Variants in ANO6 observed in about 807,000 individuals in gnomAD.
ANO6 encodes anoctamin 6.
Under a neutral mutation model 117.5 loss-of-function variants are expected in ANO6, and 106 were observed. That is an observed-to-expected ratio of 0.90 (90% confidence interval 0.77 to 1.06). The LOEUF is 1.06. ANO6 is among the 50% of genes least tolerant of loss of function. The pLI is 0.00. For missense variants in ANO6, 955 were observed against 1,121.1 expected (o/e 0.85, Z 2.12); for synonymous variants, 367 against 385.1 (o/e 0.95, Z 0.55).
At chr12:45,350,603 C>A in intron 6 of ANO6, 56 bp from the exon 7 acceptor site, 1 of 1,350,686 alleles carries the variant, frequency 7.4e-7, no homozygotes, top group Non-Finnish European at 1.1e-6. Flanking sequence ...ATTTAAGAAG[C>A]AGATTTGTGA....
At chr12:45,419,692 C>A (rs531873785) in intron 17 of ANO6, among the ~76,000 whole-genome samples, 1 of 152,126 alleles carries the variant, frequency 6.6e-6, no homozygotes, top group African/African-American at 2.4e-5. Context: ...TCATCAATGA[C>A]AATCATTTAG....
At chr12:45,292,831 C>T (rs756665066) in intron 1 of ANO6, 1 of 1,529,236 alleles carries the variant, frequency 6.5e-7, no homozygotes, top group Non-Finnish European at 8.8e-7. Context: ...TAGAAATCTT[C>T]AGAGTTGTCA....
intron 1 of ANO6, among the ~76,000 whole-genome samples, chr12:45,284,444 G>C (rs1225157723): frequency 6.6e-6 from 1 of 152,212 alleles, no homozygotes; most frequent in Non-Finnish European, 1.5e-5. Flanking sequence ...AGCCTCAGGG[G>C]AGAAGGGGAT....
rs780386198 is a variant in ANO6 at position 45,416,948 on chromosome 12, A to T, written c.2217+44A>T. 3.8e-6 allele frequency: 6 copies of T among 1,589,182 alleles called. No individual in the cohort carries two copies. The South Asian group carries it at 6.6e-5, about 18-fold the overall frequency. ...TACAGAGTAAAGACCTTGAAGATGCATTAGATTTGCTACCTAAGGAATCAA... is the reference window on the plus strand; with the variant it reads ...TACAGAGTAAAGACCTTGAAGATGCTTTAGATTTGCTACCTAAGGAATCAA... On this transcript the variant is annotated intron_variant, in intron 17 of 19. Transcript: ENST00000320560.
At chr12:45,425,564 C>T (rs1269394254) in intron 19 of ANO6, among the ~76,000 whole-genome samples, 2 of 152,156 alleles carry the variant, frequency 1.3e-5, no homozygotes, top group African/African-American at 4.8e-5. Context: ...CAACGGAAGC[C>T]AGAAGAGAGT....
intron 1 of ANO6, among the ~76,000 whole-genome samples, chr12:45,280,438 C>T (rs1455260448): frequency 2.6e-5 from 4 of 152,178 alleles, no homozygotes; most frequent in Non-Finnish European, 4.4e-5. Flanking sequence ...ACATGGGACC[C>T]AACCCCTCAC....
chr12:45,292,837 T>C, intron 1 of ANO6: 1 of 1,533,110 alleles, frequency 6.5e-7, no homozygotes, highest in Non-Finnish European at 8.8e-7. Flanking sequence ...TCTTCAGAGT[T>C]GTCACTTAAG....
At chr12:45,428,032 G>A (rs1943547097) in intron 19 of ANO6, among the ~76,000 whole-genome samples, 1 of 150,394 alleles carries the variant, frequency 6.6e-6, no homozygotes, top group Non-Finnish European at 1.5e-5. Flanking sequence ...TACCTGCTTT[G>A]AAAAATGTTT....
At chr12:45,343,419 C>T (rs1592990862) in intron 3 of ANO6, among the ~76,000 whole-genome samples, 1 of 152,108 alleles carries the variant, frequency 6.6e-6, no homozygotes, top group Non-Finnish European at 1.5e-5. Flanking sequence ...CCTGCTATGA[C>T]CTGCTAGTGA....
intron 1 of ANO6, chr12:45,228,143 T>G (rs933813089): frequency 1.2e-5 from 3 of 255,684 alleles, no homozygotes; most frequent in African/African-American, 4.1e-5. Context: ...TTTTTTTTTT[T>G]GACAGGGTCT....
intron 16 of ANO6, among the ~76,000 whole-genome samples, chr12:45,412,680 T>C (rs1230488197): frequency 6.6e-6 from 1 of 152,180 alleles, no homozygotes; most frequent in African/African-American, 2.4e-5. Context: ...GGATTTGCAG[T>C]CCTCCAGCTC....
intron 1 of ANO6, among the ~76,000 whole-genome samples, chr12:45,245,753 T>C (rs553928314): frequency 6.6e-6 from 1 of 152,238 alleles, no homozygotes; most frequent in East Asian, 1.9e-4. Context: ...GTGGTGCTAG[T>C]AGCTGTTTAT....
At chr12:45,415,385 C>T (rs1565764889) in intron 16 of ANO6, among the ~76,000 whole-genome samples, 1 of 152,196 alleles carries the variant, frequency 6.6e-6, no homozygotes, top group Non-Finnish European at 1.5e-5. Flanking sequence ...CTTGAACAAT[C>T]AGGAGATCTG....
At chr12:45,217,919 A>G (rs1476755331) in intron 1 of ANO6, among the ~76,000 whole-genome samples, 1 of 152,238 alleles carries the variant, frequency 6.6e-6, no homozygotes, top group East Asian at 1.9e-4. Flanking sequence ...TCAAATGGAA[A>G]CTGAAGTAAG....
At chr12:45,343,976 G>A (rs558361239) in intron 3 of ANO6, among the ~76,000 whole-genome samples, 3 of 152,246 alleles carry the variant, frequency 2.0e-5, no homozygotes, top group South Asian at 2.1e-4. Context: ...GGCCTAGCTC[G>A]AGTGCCAGTA....
At chr12:45,368,724 A>T (rs886683071) in intron 9 of ANO6, among the ~76,000 whole-genome samples, 3 of 152,212 alleles carry the variant, frequency 2.0e-5, no homozygotes, top group Non-Finnish European at 4.4e-5. Context: ...TTCTACCATG[A>T]GAGTTTAGGA....
intron 2 of ANO6, among the ~76,000 whole-genome samples, chr12:45,307,376 G>A (rs1939703945): frequency 6.6e-6 from 1 of 152,128 alleles, no homozygotes. Context: ...GAGGGTAGAA[G>A]CAATAGAATT....
At chr12:45,411,116 A>G (rs1943076073) in intron 16 of ANO6, among the ~76,000 whole-genome samples, 1 of 152,228 alleles carries the variant, frequency 6.6e-6, no homozygotes, top group Non-Finnish European at 1.5e-5. Context: ...GCATTTTTAA[A>G]AATCCTGGGG....
intron 1 of ANO6, among the ~76,000 whole-genome samples, chr12:45,295,682 T>C (rs1157440369): frequency 6.6e-6 from 1 of 152,006 alleles, no homozygotes; most frequent in Non-Finnish European, 1.5e-5. Flanking sequence ...TGCCTCAGCC[T>C]CCAGAGTAGC....
Sources: gnomAD v4.1 joint callset for allele counts (sites outside exome capture counted in the v4.1 genomes callset) on GRCh38, gnomAD v4.1.1 for gene constraint, MANE v1.5 for transcripts, NCBI Gene and HGNC (gene_info 2026-07-23, HGNC 2026-07-21) for gene names.